Variants in PRKG1 observed in about 807,000 individuals in gnomAD.
The protein encoded by PRKG1 is protein kinase cGMP-dependent 1, also known as cGMP-dependent protein kinase 1.
Under a neutral mutation model 88.1 loss-of-function variants are expected in PRKG1, and 35 were observed. The observed-to-expected ratio is 0.40, with a 90% confidence interval of 0.30 to 0.53. PRKG1 has a LOEUF of 0.53. Ranked by LOEUF, PRKG1 falls within the 20% of genes least tolerant of loss-of-function variation. The pLI, the probability that PRKG1 is intolerant of heterozygous loss-of-function variation, is 0.59. For synonymous variants in PRKG1, 303 were observed against 292.5 expected (o/e 1.04, Z -0.37); for missense variants, 540 against 839.8 (o/e 0.64, Z 4.41).
In PRKG1 at chr10:51,360,047, G is replaced by A. The variant is rs555306413; in HGVS notation, c.479-107676G>A. On this transcript the variant is annotated intron_variant, in intron 2 of 17. Coordinates refer to ENST00000373980, the MANE Select transcript of PRKG1 (RefSeq NM_006258.4). ...ATGGAAATACTACAACCCCCATAATGAGGGAAAATGTTAGTTGAGAATTAT... is the reference window on the plus strand; with the variant it reads ...ATGGAAATACTACAACCCCCATAATAAGGGAAAATGTTAGTTGAGAATTAT... Among the ~76,000 whole-genome samples the A allele has an allele frequency of 3.9e-5, 6 of 152,004 alleles. No individual in the cohort carries two copies. The South Asian group carries it at 1.2e-3, about 32-fold the overall frequency.
intron 1 of PRKG1, among the ~76,000 whole-genome samples, chr10:51,134,063 T>A (rs563817652): frequency 6.6e-6 from 1 of 152,214 alleles, no homozygotes; most frequent in Non-Finnish European, 1.5e-5. Context: ...GTCTTACAGA[T>A]CTCAAAACTG....
chr10:51,649,340 G>A (rs1236988228), intron 3 of PRKG1, among the ~76,000 whole-genome samples: 4 of 152,060 alleles, frequency 2.6e-5, no homozygotes, highest in Non-Finnish European at 5.9e-5. Flanking sequence ...CACTTTGGAT[G>A]CCTTCTTTGT....
chr10:51,270,546 G>A (rs1839951907), intron 2 of PRKG1, among the ~76,000 whole-genome samples: 1 of 152,054 alleles, frequency 6.6e-6, no homozygotes, highest in Admixed American at 6.6e-5. Context: ...GGATCATATA[G>A]TGAGTTACTC....
intron 2 of PRKG1, among the ~76,000 whole-genome samples, chr10:51,394,842 A>G (rs1837534002): frequency 6.6e-6 from 1 of 152,208 alleles, no homozygotes; most frequent in South Asian, 2.1e-4. Flanking sequence ...GTCTTCTTCC[A>G]GGACCCCTCT....
At chr10:52,072,523 G>C (rs1168876531) in intron 7 of PRKG1, among the ~76,000 whole-genome samples, 1 of 152,150 alleles carries the variant, frequency 6.6e-6, no homozygotes, top group East Asian at 1.9e-4. Context: ...TACGGGGCAA[G>C]TCAACTTAGC....
intron 2 of PRKG1, among the ~76,000 whole-genome samples, chr10:51,334,491 G>A (rs760822223): frequency 3.8e-4 from 58 of 152,234 alleles, no homozygotes; most frequent in African/African-American, 3.1e-4. Flanking sequence ...GAAGAGATTC[G>A]TAATTAATGA....
intron 1 of PRKG1, among the ~76,000 whole-genome samples, chr10:51,083,858 C>A (rs1170348090): frequency 2.6e-5 from 4 of 152,148 alleles, no homozygotes; most frequent in Non-Finnish European, 4.4e-5. Flanking sequence ...GTTACAAAGT[C>A]CTCAAGGTGT....
At chr10:51,613,995 C>T (rs1371228355) in intron 3 of PRKG1, among the ~76,000 whole-genome samples, 3 of 151,836 alleles carry the variant, frequency 2.0e-5, no homozygotes, top group Non-Finnish European at 2.9e-5. Context: ...CTGTAGTTGT[C>T]TGTTAGGTCC....
chr10:52,244,300 G>T (rs953246923), intron 9 of PRKG1, among the ~76,000 whole-genome samples: 1 of 151,896 alleles, frequency 6.6e-6, no homozygotes, highest in African/African-American at 2.4e-5. Context: ...ACAAAGAAAC[G>T]CTAAGATGGT....
intron 5 of PRKG1, among the ~76,000 whole-genome samples, chr10:51,978,768 T>G (rs887764143): frequency 6.6e-6 from 1 of 152,082 alleles, no homozygotes; most frequent in African/African-American, 2.4e-5. Context: ...GGTTGACTGT[T>G]GTTCATGTAC....
intron 4 of PRKG1, among the ~76,000 whole-genome samples, chr10:51,881,534 G>A (rs1338241084): frequency 1.3e-5 from 2 of 152,066 alleles, no homozygotes; most frequent in Admixed American, 6.5e-5. Context: ...AATTTGAATG[G>A]ATTCAAAAAT....
chr10:52,232,825 C>T (rs1385143322), intron 9 of PRKG1, among the ~76,000 whole-genome samples: 1 of 152,168 alleles, frequency 6.6e-6, no homozygotes, highest in Non-Finnish European at 1.5e-5. Flanking sequence ...CTAAGGCTTC[C>T]ACCTCCAGTT....
In PRKG1 at chr10:51,270,535, T is replaced by C. The variant is rs144758603; in HGVS notation, c.478+117205T>C. ...ACATGAATTGGAGGGATTTAATGGGTGGATCATATAGTGAGTTACTCCTGG... is the reference window on the plus strand; with the variant it reads ...ACATGAATTGGAGGGATTTAATGGGCGGATCATATAGTGAGTTACTCCTGG... On this transcript the variant is annotated intron_variant, in intron 2 of 17. Coordinates refer to ENST00000373980, the MANE Select transcript of PRKG1 (RefSeq NM_006258.4). Among the ~76,000 whole-genome samples the C allele has an allele frequency of 3.3e-5, 5 of 152,210 alleles. No individual in the cohort carries two copies. In the East Asian group the frequency reaches 9.7e-4, roughly 29 times the overall value.
At chr10:51,746,739 AAAAG>A (rs1433547309) in intron 3 of PRKG1, among the ~76,000 whole-genome samples, 1 of 151,936 alleles carries the variant, frequency 6.6e-6, no homozygotes, top group Non-Finnish European at 1.5e-5. Flanking sequence ...AATAAAAAGA[AAAAG>A]AAAAAAAGAA....
At chr10:52,271,233 G>A (rs939775994) in intron 10 of PRKG1, 117 bp from the exon 11 acceptor site, 1 of 1,081,868 alleles carries the variant, frequency 9.2e-7, no homozygotes, top group Non-Finnish European at 1.3e-6. Flanking sequence ...ACTGTGTTTT[G>A]ACTTGGGAGG....
At chr10:51,301,103 A>G (rs1030638007) in intron 2 of PRKG1, among the ~76,000 whole-genome samples, 1 of 152,196 alleles carries the variant, frequency 6.6e-6, no homozygotes, top group Admixed American at 6.5e-5. Context: ...AGGGAGAAAC[A>G]TTCATGTCTG....
intron 9 of PRKG1, among the ~76,000 whole-genome samples, chr10:52,190,101 A>T (rs952009801): frequency 6.6e-6 from 1 of 152,212 alleles, no homozygotes; most frequent in Non-Finnish European, 1.5e-5. Context: ...AGTCCAAATT[A>T]GTTTTGTGAC....
chr10:51,339,832 G>GT (rs1841963939), intron 2 of PRKG1, among the ~76,000 whole-genome samples: 1 of 151,900 alleles, frequency 6.6e-6, no homozygotes, highest in African/African-American at 2.4e-5. Flanking sequence ...TTTTATTACA[G>GT]TTTTTTACTT....
chr10:51,706,239 T>A (rs1841600733), intron 3 of PRKG1, among the ~76,000 whole-genome samples: 1 of 152,222 alleles, frequency 6.6e-6, no homozygotes, highest in Non-Finnish European at 1.5e-5. Flanking sequence ...ATGCTTAGTG[T>A]ATTTAATATG....
Sources: gnomAD v4.1 joint callset for allele counts (sites outside exome capture counted in the v4.1 genomes callset) on GRCh38, gnomAD v4.1.1 for gene constraint, MANE v1.5 for transcripts, NCBI Gene and HGNC (gene_info 2026-07-23, HGNC 2026-07-21) for gene names.